Variants in SVOPL observed in about 807,000 individuals in gnomAD.
SVOPL encodes putative transporter SVOPL.
Under a neutral mutation model 61.0 loss-of-function variants are expected in SVOPL, and 60 were observed. That is an observed-to-expected ratio of 0.98 (90% CI 0.80 to 1.22). SVOPL has a LOEUF of 1.22. SVOPL is among the 50% of genes most tolerant of loss of function. The pLI is 0.00. For synonymous variants in SVOPL, 279 were observed against 250.0 expected, an observed-to-expected ratio of 1.12 and a Z score of -1.09; for missense variants, 662 against 643.9, an observed-to-expected ratio of 1.03 and a Z score of -0.30.
chr7:138,646,862 C>T (rs751162595), intron 8 of SVOPL, among the ~76,000 whole-genome samples: 2 of 152,086 alleles, frequency 1.3e-5, no homozygotes, highest in South Asian at 2.1e-4. Context: ...GACAATCTGC[C>T]CACAGGAAGC....
At chr7:138,612,424 T>TAAAAAAAAAAAAAAAAAAAAAAAA (rs1281500368) in intron 14 of SVOPL, among the ~76,000 whole-genome samples, 3 of 41,198 alleles carry the variant, frequency 7.3e-5, no homozygotes, top group Non-Finnish European at 1.0e-4. Context: ...AAAAAAAAAA[T>TAAAAAAAAAAAAAAAAAAAAAAAA]AAAATAAAAA....
At position 138,628,230 on chromosome 7, in the gene SVOPL, G is replaced by A. The variant is rs1563101402; in HGVS notation, c.997C>T (p.Pro333Ser). ...GGTGCAAACATGTGGCAGTAGCAGG[G>A]GCTCTGGCTCTCCCCTGAGTCCCCC... ...TGGDSGESQS[P>S]CYCHMFAPSD... The change falls in exon 11 of 16, where the codon CCC becomes TCC. Residue 333 changes from proline (P) to serine (S), a missense_variant. Physicochemically the swap from Pro to Ser is moderately conservative, Grantham distance 74. Coordinates refer to ENST00000674285, the MANE Select transcript of SVOPL (RefSeq NM_001139456.2). 1 of 1,614,106 alleles carries A rather than the reference G, an allele frequency of 6.2e-7. No individual in the cohort carries two copies. The highest frequency in any genetic ancestry group is 2.2e-5 in the East Asian group (1 of 44,884).
At chr7:138,621,978 C>CTATCTATCTATCTATG (rs1799616877) in intron 13 of SVOPL, among the ~76,000 whole-genome samples, 1 of 51,124 alleles carries the variant, frequency 2.0e-5, no homozygotes, top group Non-Finnish European at 4.8e-5. Context: ...ATCTATGTAT[C>CTATCTATCTATCTATG]TATCTATCTA....
chr7:138,691,096 G>C (rs988059734), intron 1 of SVOPL, among the ~76,000 whole-genome samples: 10 of 152,078 alleles, frequency 6.6e-5, no homozygotes, highest in Admixed American at 2.6e-4. Context: ...CTTTAAAATG[G>C]TGACTTTTAT....
At chr7:138,619,621 G>T (rs1320736206) in intron 14 of SVOPL, among the ~76,000 whole-genome samples, 7 of 119,990 alleles carry the variant, frequency 5.8e-5, no homozygotes, top group Non-Finnish European at 3.5e-5. Context: ...ACATTCCCAA[G>T]ATAGTTTTAA....
At chr7:138,618,382 T>C (rs1799394200) in intron 14 of SVOPL, among the ~76,000 whole-genome samples, 1 of 151,828 alleles carries the variant, frequency 6.6e-6, no homozygotes, top group Admixed American at 6.6e-5. Context: ...GGTAGCAGGC[T>C]GGGCACGGTG....
chr7:138,694,052 T>C (rs1803012655), intron 1 of SVOPL, among the ~76,000 whole-genome samples: 1 of 152,184 alleles, frequency 6.6e-6, no homozygotes, highest in Non-Finnish European at 1.5e-5. Flanking sequence ...AGACTGATTA[T>C]ACCAAGTGCA....
intron 4 of SVOPL, chr7:138,663,685 G>A (rs769188281): frequency 8.4e-5 from 67 of 800,744 alleles, no homozygotes; most frequent in Non-Finnish European, 9.8e-5. Flanking sequence ...CAAGGACCTG[G>A]GATTTGACAC....
intron 1 of SVOPL, among the ~76,000 whole-genome samples, chr7:138,693,569 G>GAAAGAA (rs1584872792): frequency 8.9e-6 from 1 of 112,722 alleles, no homozygotes; most frequent in East Asian, 2.4e-4. Flanking sequence ...AAGAAAGAAA[G>GAAAGAA]AAAGAAAAAA....
At chr7:138,657,443 G>C (rs774286897) in intron 6 of SVOPL, among the ~76,000 whole-genome samples, 22 of 152,192 alleles carry the variant, frequency 1.4e-4, no homozygotes, top group Non-Finnish European at 2.9e-4. Context: ...CACTCAGCCT[G>C]ATTCCCTTTT....
chr7:138,663,337 G>A (rs1227365804), intron 4 of SVOPL, 192 bp from the exon 5 acceptor site: 13 of 1,427,816 alleles, frequency 9.1e-6, no homozygotes. Context: ...CCTGTTGGTG[G>A]GAGCCTAACA....
Position 138,643,259 on chromosome 7 carries a change from T to C in SVOPL, c.789+1458A>G, listed in dbSNP as rs181832068. ...GGTCAACATGGTGAAACCCCGTCTC[T>C]ACTAAAAATACAAAAATTAGCTGGG... On this transcript the variant is annotated intron_variant, in intron 9 of 15. Transcript: ENST00000674285. Among the ~76,000 whole-genome samples the C allele has an allele frequency of 2.0e-5, 3 of 151,914 alleles. No homozygotes were observed. In the East Asian group the frequency reaches 5.8e-4, roughly 29 times the overall value.
chr7:138,691,550 T>C (rs1365803913), intron 1 of SVOPL, among the ~76,000 whole-genome samples: 1 of 152,178 alleles, frequency 6.6e-6, no homozygotes, highest in Non-Finnish European at 1.5e-5. Context: ...GCTGTCGTTG[T>C]TGTTTTTGAG....
At chr7:138,620,107 TG>T (rs1167317064) in intron 14 of SVOPL, among the ~76,000 whole-genome samples, 3 of 146,868 alleles carry the variant, frequency 2.0e-5, no homozygotes, top group African/African-American at 7.6e-5. Flanking sequence ...TTTTCTTTTT[TG>T]TTTTTTTTCT....
At chr7:138,689,097 C>T (rs1201548728) in intron 1 of SVOPL, 4 of 753,842 alleles carry the variant, frequency 5.3e-6, no homozygotes, top group Non-Finnish European at 9.8e-6. Flanking sequence ...CAAGGGTATG[C>T]ATATATGAAA....
chr7:138,648,784 T>A (rs1801268210), intron 8 of SVOPL, among the ~76,000 whole-genome samples: 1 of 150,364 alleles, frequency 6.7e-6, no homozygotes, highest in African/African-American at 2.4e-5. Context: ...TAGCTGGGTA[T>A]GGTGGCACAT....
Position 138,627,397 on chromosome 7 carries a change from C to T in SVOPL, c.1134G>A (p.Met378Ile). The T allele has an allele frequency of 1.2e-6, 2 of 1,613,794 alleles. No homozygotes were observed. Among genetic ancestry groups the T allele is most frequent in the Non-Finnish European group, 1.7e-6 (2 of 1,179,732 alleles). Residue 378 changes from methionine (M) to isoleucine (I), a missense_variant, in exon 12 of 16, where the codon ATG becomes ATA. Physicochemically the swap from Met to Ile is conservative, Grantham distance 10 (BLOSUM62 1). Coordinates refer to ENST00000674285, the MANE Select transcript of SVOPL (RefSeq NM_001139456.2). ...GAAGGAAGAATAAAGCCGTGCATCC[C>T]ATGGTAATAGAAAGGCTCAGCCGTC... ...LGRRLSLSIT[M>I]GCTALFFLLL... is the part of the protein sequence containing the mutation.
At chr7:138,663,568 C>T in intron 4 of SVOPL, 1 of 992,068 alleles carries the variant, frequency 1.0e-6, no homozygotes. Flanking sequence ...AACACCAAAT[C>T]CAATCACTCA....
intron 4 of SVOPL, among the ~76,000 whole-genome samples, chr7:138,671,241 G>A (rs1208138431): frequency 6.6e-6 from 1 of 152,114 alleles, no homozygotes; most frequent in East Asian, 1.9e-4. Flanking sequence ...TAAACAACGT[G>A]ATACTGCTTG....
Sources: gnomAD v4.1 joint callset for allele counts (sites outside exome capture counted in the v4.1 genomes callset) on GRCh38, gnomAD v4.1.1 for gene constraint, MANE v1.5 for transcripts, NCBI Gene and HGNC (gene_info 2026-07-23, HGNC 2026-07-21) for gene names.